ATXN7: variants seen among roughly 807,000 people sequenced by gnomAD.
ATXN7 encodes ataxin 7, also known as ataxin-7.
ATXN7 carries 12 observed loss-of-function variants against 70.5 expected under a neutral mutation model. That is an observed-to-expected ratio of 0.17 (90% confidence interval 0.11 to 0.28). The LOEUF is 0.28. Among genes scored for constraint, ATXN7 ranks in the 10% least tolerant of loss-of-function variants. The pLI, the probability that ATXN7 is intolerant of heterozygous loss-of-function variation, is 1.00. For synonymous variants in ATXN7, 498 were observed against 448.7 expected (o/e 1.11, Z -1.39); for missense variants, 1,256 against 1,131.7 (o/e 1.11, Z -1.58).
chr3:63,872,610 A>G (rs1306726639), intron 1 of ATXN7, among the ~76,000 whole-genome samples: 1 of 152,184 alleles, frequency 6.6e-6, no homozygotes, highest in Non-Finnish European at 1.5e-5. Flanking sequence ...CACAAGGCCA[A>G]CTCAAATTTT....
chr3:63,917,740 C>T (rs1477662070), intron 4 of ATXN7, among the ~76,000 whole-genome samples: 10 of 152,194 alleles, frequency 6.6e-5, no homozygotes, highest in African/African-American at 2.2e-4. Flanking sequence ...TCAGCTCCTG[C>T]ACACCATTGT....
intron 8 of ATXN7, among the ~76,000 whole-genome samples, chr3:63,983,887 C>T (rs1217715576): frequency 6.6e-6 from 1 of 152,082 alleles, no homozygotes; most frequent in Non-Finnish European, 1.5e-5. Flanking sequence ...TTCAGAGTCA[C>T]TGCTTTGAAG....
chr3:63,919,803 T>C (rs1704435313), intron 4 of ATXN7, among the ~76,000 whole-genome samples: 1 of 133,892 alleles, frequency 7.5e-6, no homozygotes, highest in Non-Finnish European at 1.5e-5. Context: ...GGCATACACC[T>C]GGTTGGGAGC....
intron 5 of ATXN7, among the ~76,000 whole-genome samples, chr3:63,976,434 T>G (rs2075389358): frequency 6.6e-6 from 1 of 152,212 alleles, no homozygotes; most frequent in Non-Finnish European, 1.5e-5. Context: ...ACAATCTGTT[T>G]CAAGTTTTAA....
chr3:63,864,522 G>T (rs1702345654), intron 1 of ATXN7: 1 of 152,212 alleles, frequency 6.6e-6, no homozygotes, highest in Non-Finnish European at 1.5e-5. Flanking sequence ...GGCCCCTGCG[G>T]CCGCCCCCTT....
chr3:63,967,702 G>T (rs1429906953), intron 5 of ATXN7: 4 of 1,149,114 alleles, frequency 3.5e-6, no homozygotes, highest in Non-Finnish European at 4.5e-6. Context: ...CAGCCAGGAC[G>T]CCTTGTATGA....
At chr3:63,999,082 T>C in intron 12 of ATXN7, 1 of 228,470 alleles carries the variant, frequency 4.4e-6, no homozygotes, top group Non-Finnish European at 8.9e-6. Flanking sequence ...CCTTGTTCCC[T>C]TCTCAGTTAA....
chr3:63,990,988 A>G (rs1372938824), intron 11 of ATXN7, 129 bp downstream of exon 11: 2 of 1,377,040 alleles, frequency 1.5e-6, no homozygotes, highest in Non-Finnish European at 2.0e-6. Context: ...CCTGAGAAGA[A>G]GGTGCCTTGT....
intron 5 of ATXN7, among the ~76,000 whole-genome samples, chr3:63,975,740 T>C (rs548263884): frequency 4.6e-5 from 7 of 152,284 alleles, no homozygotes; most frequent in Non-Finnish European, 1.0e-4. Flanking sequence ...GGAAGACCTA[T>C]AGAGAGCTGT....
intron 4 of ATXN7, among the ~76,000 whole-genome samples, chr3:63,925,802 G>A (rs983483513): frequency 9.9e-5 from 15 of 152,218 alleles, no homozygotes; most frequent in Non-Finnish European, 1.8e-4. Flanking sequence ...AGGCGAATGG[G>A]GAGAGTTGGA....
intron 4 of ATXN7, among the ~76,000 whole-genome samples, chr3:63,930,350 C>T (rs1012731039): frequency 2.6e-5 from 4 of 152,146 alleles, no homozygotes; most frequent in African/African-American, 7.2e-5. Flanking sequence ...CCTCATTACT[C>T]AAATTCTTAT....
intron 1 of ATXN7, among the ~76,000 whole-genome samples, chr3:63,891,559 G>A (rs940863191): frequency 4.6e-5 from 7 of 151,988 alleles, no homozygotes; most frequent in African/African-American, 1.7e-4. Flanking sequence ...CTGGCCTCAA[G>A]GGATCCTCCC....
At chr3:63,913,262 C>G (rs199882135) in intron 4 of ATXN7, 37 bp downstream of exon 4, 1 of 1,593,222 alleles carries the variant, frequency 6.3e-7, no homozygotes, top group African/African-American at 1.3e-5. Context: ...TGTACAAACC[C>G]CTGGGAAGTT....
At chr3:63,902,402 G>A (rs747444646) in intron 2 of ATXN7, among the ~76,000 whole-genome samples, 1 of 152,094 alleles carries the variant, frequency 6.6e-6, no homozygotes. Context: ...GCAACAGAGC[G>A]AGACCCTGTC....
At chr3:63,996,561 T>C (rs1432492131) in intron 12 of ATXN7, 78 bp downstream of exon 12, 1 of 1,493,280 alleles carries the variant, frequency 6.7e-7, no homozygotes, top group Non-Finnish European at 9.0e-7. Context: ...AGAAATGTGT[T>C]TGGTTGGGTT....
chr3:63,877,487 C>T lies in ATXN7; in HGVS notation c.-111+13329C>T, dbSNP rs374172787. On this transcript the variant is annotated intron_variant, in intron 1 of 12. Transcript: ENST00000674280. Reference sequence around the variant, plus strand: ...TAATCCTACTGCTTGTCAGACTGCCCGCCAGGTGTTGCCTTCAGGCTGATG... The same window carrying T: ...TAATCCTACTGCTTGTCAGACTGCCTGCCAGGTGTTGCCTTCAGGCTGATG... Among the ~76,000 whole-genome samples the T allele has an allele frequency of 9.8e-5, 15 of 152,308 alleles. No homozygotes were observed. The East Asian group carries it at 1.7e-3, about 18-fold the overall frequency.
chr3:63,877,411 T>C (rs947855385), intron 1 of ATXN7, among the ~76,000 whole-genome samples: 5 of 152,350 alleles, frequency 3.3e-5, no homozygotes, highest in African/African-American at 1.2e-4. Flanking sequence ...TGCTTAGAAG[T>C]AAGGGTAGAA....
chr3:63,876,660 C>A (rs1011255805), intron 1 of ATXN7, among the ~76,000 whole-genome samples: 2 of 152,144 alleles, frequency 1.3e-5, no homozygotes, highest in Non-Finnish European at 2.9e-5. Context: ...TCATAATAAA[C>A]AGCGGTCCTG....
rs935774136 is a variant in ATXN7 at position 63,996,997 on chromosome 3, C to A, written c.2661+514C>A. 3.9e-5 allele frequency among the ~76,000 whole-genome samples: 6 copies of A among 152,214 alleles called. No homozygotes were observed. The East Asian group carries it at 1.2e-3, about 29-fold the overall frequency. On this transcript the variant is annotated intron_variant, in intron 12 of 12. Coordinates refer to ENST00000674280, the MANE Select transcript of ATXN7 (RefSeq NM_001377405.1). Reference sequence around the variant, plus strand: ...TGAGGCTGGGTGCAGCGGCTCACGCCTATAATCCCAGCACTTTGGGAAGCT... The same window carrying A: ...TGAGGCTGGGTGCAGCGGCTCACGCATATAATCCCAGCACTTTGGGAAGCT...
Sources: allele counts gnomAD v4.1 joint callset (sites outside exome capture counted in the v4.1 genomes callset), GRCh38; gene constraint gnomAD v4.1.1; transcripts MANE v1.5; gene names NCBI Gene and HGNC (gene_info 2026-07-23, HGNC 2026-07-21).